Variants in TMEM132D observed in about 807,000 individuals in gnomAD.
TMEM132D encodes transmembrane protein 132D, also known as mature OL transmembrane protein.
Under a neutral mutation model 62.3 loss-of-function variants are expected in TMEM132D, and 21 were observed. The observed-to-expected ratio is 0.34, with a 90% CI of 0.24 to 0.49. TMEM132D has a LOEUF of 0.49. Ranked by LOEUF, TMEM132D falls within the 20% of genes least tolerant of loss-of-function variation. The pLI is 0.99. For synonymous variants in TMEM132D, 621 were observed against 575.6 expected, an observed-to-expected ratio of 1.08 and a Z score of -1.13; for missense variants, 1,346 against 1,402.8, an observed-to-expected ratio of 0.96 and a Z score of 0.65.
At chr12:129,114,413 CT>C (rs1232174514) in intron 5 of TMEM132D, among the ~76,000 whole-genome samples, 1 of 151,642 alleles carries the variant, frequency 6.6e-6, no homozygotes, top group Non-Finnish European at 1.5e-5. Flanking sequence ...TCCTTCCCTC[CT>C]TCCCTCCTTC....
chr12:129,134,211 C>T (rs377269732), intron 5 of TMEM132D, among the ~76,000 whole-genome samples: 1 of 148,302 alleles, frequency 6.7e-6, no homozygotes, highest in African/African-American at 2.5e-5. Flanking sequence ...TGTGTGTGTG[C>T]GTGTAAACTA....
intron 4 of TMEM132D, among the ~76,000 whole-genome samples, chr12:129,319,961 G>A (rs530452192): frequency 6.6e-6 from 1 of 152,316 alleles, no homozygotes; most frequent in East Asian, 1.9e-4. Context: ...ATATTTTAGA[G>A]AGAAATGCCA....
chr12:129,771,691 C>G (rs1870755747), intron 1 of TMEM132D, among the ~76,000 whole-genome samples: 1 of 152,208 alleles, frequency 6.6e-6, no homozygotes, highest in Non-Finnish European at 1.5e-5. Flanking sequence ...CACTTGGCAT[C>G]TGACAGCCAT....
At position 129,399,787 on chromosome 12, in the gene TMEM132D, T is replaced by A. The variant is rs569140523; in HGVS notation, c.1116-61970A>T. Among the ~76,000 whole-genome samples, 8 of 152,202 alleles carry A rather than the reference T, an allele frequency of 5.3e-5. No individual in the cohort carries two copies. In the East Asian group the frequency reaches 1.5e-3, roughly 29 times the overall value. On this transcript the variant is annotated intron_variant, in intron 3 of 8. Transcript: ENST00000422113. ...GCAAAGAGAGAGGAATTAACATATA[T>A]TGCAAAGCCATAATAGGTAAAACTG...
intron 2 of TMEM132D, among the ~76,000 whole-genome samples, chr12:129,585,282 T>G (rs1487119304): frequency 6.6e-6 from 1 of 152,146 alleles, no homozygotes. Context: ...ATGTTCTACA[T>G]AGCCAAGGAC....
chr12:129,079,055 A>G (rs1016435035), intron 7 of TMEM132D, among the ~76,000 whole-genome samples: 1 of 152,188 alleles, frequency 6.6e-6, no homozygotes, highest in African/African-American at 2.4e-5. Flanking sequence ...TATTAGCTTT[A>G]TGATTCTTCT....
At chr12:129,793,521 T>C (rs1409329030) in intron 1 of TMEM132D, among the ~76,000 whole-genome samples, 1 of 152,078 alleles carries the variant, frequency 6.6e-6, no homozygotes, top group African/African-American at 2.4e-5. Context: ...ACTACAGACA[T>C]GTGCCACCAT....
intron 1 of TMEM132D, among the ~76,000 whole-genome samples, chr12:129,760,205 C>T (rs1870307062): frequency 6.6e-6 from 1 of 152,020 alleles, no homozygotes. Flanking sequence ...CTGTGCCCAG[C>T]CCATCTCCTC....
chr12:129,401,549 A>G (rs1440103852), intron 3 of TMEM132D, among the ~76,000 whole-genome samples: 1 of 152,158 alleles, frequency 6.6e-6, no homozygotes, highest in Non-Finnish European at 1.5e-5. Flanking sequence ...AGCCTGGGTG[A>G]CAGAGCGAGA....
rs1389680608 is a variant in TMEM132D at position 129,371,082 on chromosome 12, C to T, written c.1116-33265G>A. Among the ~76,000 whole-genome samples the T allele has an allele frequency of 6.6e-6, 1 of 152,122 alleles. No homozygotes were observed. The highest frequency in any genetic ancestry group is 1.5e-5 in the Non-Finnish European group (1 of 68,018). On this transcript the variant is annotated intron_variant, in intron 3 of 8. Coordinates refer to ENST00000422113, the MANE Select transcript of TMEM132D (RefSeq NM_133448.3). The surrounding 1 kb of genome is among the most constrained non-coding windows in gnomAD (Gnocchi z 4.3). ...AGATAAATATTTGATGTGATAGACCCAATTACCTTGATTCGATCATTATAT... is the reference window on the plus strand; with the variant it reads ...AGATAAATATTTGATGTGATAGACCTAATTACCTTGATTCGATCATTATAT...
At chr12:129,261,166 G>T (rs531078950) in intron 4 of TMEM132D, among the ~76,000 whole-genome samples, 1 of 152,004 alleles carries the variant, frequency 6.6e-6, no homozygotes, top group Non-Finnish European at 1.5e-5. Flanking sequence ...TTTTTTAAAA[G>T]GGCTGTTTAT....
chr12:129,719,234 G>A (rs1213386641), intron 1 of TMEM132D, among the ~76,000 whole-genome samples: 1 of 152,094 alleles, frequency 6.6e-6, no homozygotes, highest in African/African-American at 2.4e-5. Flanking sequence ...ACTACAGCCT[G>A]GGTGACAGAG....
At chr12:129,139,356 G>T (rs1040744119) in intron 5 of TMEM132D, among the ~76,000 whole-genome samples, 2 of 152,152 alleles carry the variant, frequency 1.3e-5, no homozygotes, top group Non-Finnish European at 2.9e-5. Context: ...TCTCAGTACA[G>T]CATGGGCATC....
intron 3 of TMEM132D, among the ~76,000 whole-genome samples, chr12:129,341,204 C>G (rs1869468936): frequency 6.6e-6 from 1 of 152,214 alleles, no homozygotes. Flanking sequence ...GTGTGTCTGA[C>G]AGATGGTACA....
At chr12:129,319,779 T>C (rs1246188555) in intron 4 of TMEM132D, among the ~76,000 whole-genome samples, 1 of 152,226 alleles carries the variant, frequency 6.6e-6, no homozygotes, top group Non-Finnish European at 1.5e-5. Context: ...GGTATTGTCC[T>C]TTCCTGTTCC....
chr12:129,847,542 T>C (rs1873400683), intron 1 of TMEM132D, among the ~76,000 whole-genome samples: 1 of 152,144 alleles, frequency 6.6e-6, no homozygotes, highest in Non-Finnish European at 1.5e-5. Context: ...TGGCCATGGC[T>C]TAAAATCAGC....
At chr12:129,329,897 T>A (rs1024786206) in intron 4 of TMEM132D, among the ~76,000 whole-genome samples, 7 of 152,178 alleles carry the variant, frequency 4.6e-5, no homozygotes, top group African/African-American at 1.7e-4. Flanking sequence ...AGGAAGTTCA[T>A]TTTATTTAAG....
At chr12:129,219,024 G>A (rs1221046701) in intron 4 of TMEM132D, among the ~76,000 whole-genome samples, 2 of 152,150 alleles carry the variant, frequency 1.3e-5, no homozygotes, top group Non-Finnish European at 2.9e-5. Context: ...TCCATGCTTG[G>A]GAATGGGCTC....
chr12:129,331,666 G>T (rs1869108730), intron 4 of TMEM132D, among the ~76,000 whole-genome samples: 1 of 152,184 alleles, frequency 6.6e-6, no homozygotes, highest in Non-Finnish European at 1.5e-5. Flanking sequence ...AAAAGAGTTT[G>T]TTTTATTTTA....
Sources: allele counts gnomAD v4.1 joint callset (sites outside exome capture counted in the v4.1 genomes callset), GRCh38; gene constraint gnomAD v4.1.1; non-coding constraint Gnocchi (gnomAD v3.1); transcripts MANE v1.5; gene names NCBI Gene and HGNC (gene_info 2026-07-23, HGNC 2026-07-21).